ART3: variants seen among roughly 807,000 people sequenced by gnomAD.
ART3 encodes ADP-ribosyltransferase 3 (inactive).
A neutral mutation model predicts 48.5 loss-of-function variants in ART3; 49 were observed. That is an observed-to-expected ratio of 1.01 (90% CI 0.80 to 1.28). The LOEUF is 1.28. Ranked by LOEUF, ART3 falls within the 50% of genes most tolerant of loss-of-function variation. The pLI, the probability that ART3 is intolerant of heterozygous loss-of-function variation, is 0.00. For synonymous variants in ART3, 145 were observed against 157.2 expected (o/e 0.92, Z 0.58); for missense variants, 438 against 454.3 (o/e 0.96, Z 0.33).
intron 3 of ART3, among the ~76,000 whole-genome samples, chr4:76,086,781 C>T (rs1433421683): frequency 2.0e-5 from 3 of 152,122 alleles, no homozygotes; most frequent in African/African-American, 7.2e-5. Flanking sequence ...TGGACCTGAC[C>T]CAAAACCAAG....
At chr4:76,072,233 T>G (rs1015667803), upstream of ART3, among the ~76,000 whole-genome samples, 3 of 152,226 alleles carry the variant, frequency 2.0e-5, no homozygotes, top group Non-Finnish European at 4.4e-5. Context: ...ATAGATCATT[T>G]CCATTTACTT....
At chr4:76,056,348 T>G (rs1718681940) in intron 1 of ART3, among the ~76,000 whole-genome samples, 1 of 152,150 alleles carries the variant, frequency 6.6e-6, no homozygotes, top group East Asian at 1.9e-4. Flanking sequence ...ACTTTTTACC[T>G]CTACCTGTGG....
intron 1 of ART3, chr4:76,034,464 G>A (rs13130221): frequency 0.58 from 294,256 of 508,534 alleles, 89,052 homozygotes; most frequent in East Asian, 0.93. Flanking sequence ...AATGTATAAT[G>A]CAACAAGTAA....
intron 1 of ART3, among the ~76,000 whole-genome samples, chr4:76,014,836 T>C (rs1732118862): frequency 1.3e-5 from 2 of 152,172 alleles, no homozygotes; most frequent in South Asian, 4.1e-4. Context: ...CAAGGGATCC[T>C]AGATAATATT....
chr4:76,104,043 C>A (rs894754182), intron 9 of ART3, 74 bp downstream of exon 9: 35 of 1,426,728 alleles, frequency 2.5e-5, no homozygotes, highest in Non-Finnish European at 7.9e-6. Context: ...TAAGAGAATA[C>A]TGTCATGAGA....
chr4:76,070,052 T>C (rs894885078), upstream of ART3, among the ~76,000 whole-genome samples: 2 of 152,186 alleles, frequency 1.3e-5, no homozygotes, highest in African/African-American at 2.4e-5. Flanking sequence ...ATTTCATTTG[T>C]TTATCCATTT....
At chr4:76,025,284 C>A (rs1025916592) in intron 1 of ART3, among the ~76,000 whole-genome samples, 1 of 152,086 alleles carries the variant, frequency 6.6e-6, no homozygotes, top group African/African-American at 2.4e-5. Flanking sequence ...AAATGTCTGA[C>A]ATCATGAATG....
At chr4:76,059,520 G>A (rs1307940807) in intron 1 of ART3, among the ~76,000 whole-genome samples, 2 of 129,076 alleles carry the variant, frequency 1.5e-5, no homozygotes, top group Non-Finnish European at 3.2e-5. Context: ...TTAAAAGGCT[G>A]TGAATTGAAC....
chr4:76,105,678 C>T, intron 10 of ART3: 1 of 1,051,388 alleles, frequency 9.5e-7, no homozygotes, highest in Non-Finnish European at 1.2e-6. Context: ...TCCGATATCC[C>T]AGTCTGCAAG....
chr4:76,026,140 A>G (rs995475855), intron 1 of ART3, among the ~76,000 whole-genome samples: 20 of 151,196 alleles, frequency 1.3e-4, no homozygotes, highest in Middle Eastern at 3.4e-3. Flanking sequence ...AATTTTCTCC[A>G]TCTGGTATGC....
At chr4:76,020,129 C>CT (rs376734226) in intron 1 of ART3, among the ~76,000 whole-genome samples, 174 of 142,144 alleles carry the variant, frequency 1.2e-3, no homozygotes, top group African/African-American at 4.3e-3. Context: ...TTTTTTTCTT[C>CT]TTTTTTTTTC....
intron 2 of ART3, among the ~76,000 whole-genome samples, chr4:76,081,186 A>C (rs1722390790): frequency 6.6e-6 from 1 of 152,198 alleles, no homozygotes; most frequent in Non-Finnish European, 1.5e-5. Flanking sequence ...TTTAAGACAG[A>C]ATTCTCCATG....
intron 3 of ART3, among the ~76,000 whole-genome samples, chr4:76,085,870 G>A (rs934082338): frequency 5.3e-5 from 8 of 152,068 alleles, no homozygotes; most frequent in Admixed American, 1.3e-4. Flanking sequence ...TCAGGAGTTC[G>A]AGACCAGATT....
intron 1 of ART3, among the ~76,000 whole-genome samples, chr4:76,023,681 C>T (rs1473908862): frequency 6.6e-6 from 1 of 152,150 alleles, no homozygotes; most frequent in East Asian, 1.9e-4. Flanking sequence ...TCCCTCTGCT[C>T]CTCTTTTTTT....
At chr4:76,047,155 A>G (rs957737315) in intron 1 of ART3, among the ~76,000 whole-genome samples, 1 of 151,922 alleles carries the variant, frequency 6.6e-6, no homozygotes, top group Non-Finnish European at 1.5e-5. Context: ...TCATTGGACA[A>G]TCTTTTTTAA....
rs57772526 is a variant in ART3 at position 76,103,642 on chromosome 4, A to G, written c.938-295A>G. Among the ~76,000 whole-genome samples, 843 of 152,238 alleles carry G rather than the reference A, an allele frequency of 5.5e-3. 5 individuals carry two copies. Among genetic ancestry groups the G allele is most frequent in the African/African-American group, 0.019 (808 of 41,516 alleles). On this transcript the variant is annotated intron_variant, in intron 8 of 11. Transcript: ENST00000355810. ...AGAGCTAAACCAAGCAGAAATGTAA[A>G]ACCAGTAGTGTTTCATCCAAAAACT...
At chr4:76,101,095 T>C (rs988274843) in intron 8 of ART3, 76 bp downstream of exon 8, 8 of 1,566,008 alleles carry the variant, frequency 5.1e-6, no homozygotes, top group East Asian at 2.2e-5. Context: ...CAGGGAAGAA[T>C]GTCGTGGTAA....
At chr4:76,078,940 G>A (rs1000547529) in intron 2 of ART3, among the ~76,000 whole-genome samples, 7 of 152,144 alleles carry the variant, frequency 4.6e-5, no homozygotes, top group Non-Finnish European at 1.0e-4. Flanking sequence ...AATTAGCCGG[G>A]CGTGGTGGCG....
At chr4:76,095,421 T>C (rs1725782843) in intron 3 of ART3, among the ~76,000 whole-genome samples, 1 of 152,098 alleles carries the variant, frequency 6.6e-6, no homozygotes, top group Admixed American at 6.5e-5. Context: ...GGCAGGAGAA[T>C]TGCTTGAACC....
Sources: allele counts gnomAD v4.1 joint callset (sites outside exome capture counted in the v4.1 genomes callset), GRCh38; gene constraint gnomAD v4.1.1; transcripts MANE v1.5; gene names NCBI Gene and HGNC (gene_info 2026-07-23, HGNC 2026-07-21).